The following SRPK2 variants were observed in gnomAD, a reference collection of about 807,000 sequenced individuals.
SRPK2 encodes SRSF protein kinase 2, also known as SFRS protein kinase 2.
SRPK2 carries 21 observed loss-of-function variants against 90.8 expected under a neutral mutation model. The ratio of observed to expected loss-of-function variants is 0.23; its 90% CI spans 0.16 to 0.33. The LOEUF (loss-of-function observed/expected upper bound fraction) is 0.33. Among genes scored for constraint, SRPK2 ranks in the 10% least tolerant of loss-of-function variants. The pLI is 1.00. For synonymous variants in SRPK2, 288 were observed against 311.1 expected, an observed-to-expected ratio of 0.93 and a Z score of 0.78; for missense variants, 620 against 869.0, an observed-to-expected ratio of 0.71 and a Z score of 3.60.
chr7:105,126,172 C>T (rs1170572306), intron 15 of SRPK2, 76 bp downstream of exon 15: 2 of 1,201,840 alleles, frequency 1.7e-6, no homozygotes, highest in African/African-American at 1.5e-5. Flanking sequence ...CCTTTGTCAC[C>T]ATTAATGCTA....
chr7:105,129,142 C>A (rs527351692), intron 13 of SRPK2, among the ~76,000 whole-genome samples: 1 of 151,970 alleles, frequency 6.6e-6, no homozygotes, highest in South Asian at 2.1e-4. Context: ...TTTGTAGAGA[C>A]GGGATTTCAC....
chr7:105,182,535 TC>T (rs1793017168), intron 3 of SRPK2, among the ~76,000 whole-genome samples: 1 of 138,094 alleles, frequency 7.2e-6, no homozygotes, highest in Non-Finnish European at 1.5e-5. Flanking sequence ...CACTGCAACC[TC>T]CACCTCCTGG....
At chr7:105,126,643 A>C (rs1801257796) in intron 14 of SRPK2, among the ~76,000 whole-genome samples, 1 of 152,164 alleles carries the variant, frequency 6.6e-6, no homozygotes, top group South Asian at 2.1e-4. Context: ...CTCAGCTCCC[A>C]AACAGGACAG....
At chr7:105,313,156 T>C (rs113876430) in intron 2 of SRPK2, among the ~76,000 whole-genome samples, 1 of 152,080 alleles carries the variant, frequency 6.6e-6, no homozygotes, top group Non-Finnish European at 1.5e-5. Context: ...ATTTTTTTTT[T>C]TTTAAATTAC....
At chr7:105,227,011 T>C (rs1264034441) in intron 2 of SRPK2, among the ~76,000 whole-genome samples, 1 of 152,152 alleles carries the variant, frequency 6.6e-6, no homozygotes, top group Non-Finnish European at 1.5e-5. Flanking sequence ...TCGTTTCTCA[T>C]TGCTGGCACC....
chr7:105,198,608 G>A (rs1048780903), intron 3 of SRPK2, among the ~76,000 whole-genome samples: 1 of 152,198 alleles, frequency 6.6e-6, no homozygotes, highest in African/African-American at 2.4e-5. Flanking sequence ...AGTTAAGGGA[G>A]CCAGCACTGA....
intron 2 of SRPK2, among the ~76,000 whole-genome samples, chr7:105,376,994 G>C: frequency 6.6e-6 from 1 of 151,726 alleles, no homozygotes; most frequent in Admixed American, 6.6e-5. Flanking sequence ...CACTTTTACA[G>C]CTGCAAGGTT....
At chr7:105,281,370 A>G (rs1203643990) in intron 2 of SRPK2, among the ~76,000 whole-genome samples, 1 of 152,180 alleles carries the variant, frequency 6.6e-6, no homozygotes, top group African/African-American at 2.4e-5. Context: ...TGCTGGGATT[A>G]CAAGCATGAG....
chr7:105,217,865 A>G (rs79548961), intron 2 of SRPK2, among the ~76,000 whole-genome samples: 1 of 152,238 alleles, frequency 6.6e-6, no homozygotes, highest in Non-Finnish European at 1.5e-5. Context: ...AATTAACTCA[A>G]GGCATATTCA....
At chr7:105,362,064 C>T (rs1331836339) in intron 2 of SRPK2, among the ~76,000 whole-genome samples, 1 of 152,096 alleles carries the variant, frequency 6.6e-6, no homozygotes, top group Non-Finnish European at 1.5e-5. Flanking sequence ...AAAATTTTTA[C>T]AATCTACCTA....
intron 2 of SRPK2, among the ~76,000 whole-genome samples, chr7:105,329,201 G>A (rs1360860432): frequency 6.6e-6 from 1 of 151,870 alleles, no homozygotes; most frequent in Non-Finnish European, 1.5e-5. Context: ...CTGCCTATTA[G>A]TCATCTAATT....
At chr7:105,289,035 T>G (rs891604434) in intron 2 of SRPK2, among the ~76,000 whole-genome samples, 1 of 142,442 alleles carries the variant, frequency 7.0e-6, no homozygotes, top group South Asian at 2.2e-4. Context: ...GGCAGGCAGA[T>G]CACAAGGTCA....
intron 2 of SRPK2, among the ~76,000 whole-genome samples, chr7:105,236,210 C>T (rs778322037): frequency 2.0e-5 from 3 of 152,118 alleles, no homozygotes; most frequent in Admixed American, 6.6e-5. Flanking sequence ...GTTCATCATA[C>T]GAAGGTTGAT....
intron 3 of SRPK2, among the ~76,000 whole-genome samples, chr7:105,202,229 T>C (rs1795654715): frequency 6.6e-6 from 1 of 152,220 alleles, no homozygotes. Flanking sequence ...TCTTAGCAGG[T>C]AATTAAATGT....
intron 8 of SRPK2, among the ~76,000 whole-genome samples, chr7:105,145,561 C>T (rs1302629455): frequency 6.6e-6 from 1 of 152,118 alleles, no homozygotes; most frequent in African/African-American, 2.4e-5. Flanking sequence ...AAATGAAATA[C>T]TAATACATCT....
intron 2 of SRPK2, chr7:105,306,475 T>C (rs1207802185): frequency 1.3e-5 from 6 of 452,064 alleles, no homozygotes; most frequent in Non-Finnish European, 2.7e-5. Flanking sequence ...GGTCAATACT[T>C]GAACCAGGCA....
chr7:105,250,861 C>G (rs1172590471), intron 2 of SRPK2, among the ~76,000 whole-genome samples: 4 of 151,940 alleles, frequency 2.6e-5, no homozygotes, highest in African/African-American at 9.7e-5. Flanking sequence ...TTTTTTTCAC[C>G]AGCTGTTAAA....
At chr7:105,398,674 C>G (rs781062445) in intron 1 of SRPK2, among the ~76,000 whole-genome samples, 24 of 152,198 alleles carry the variant, frequency 1.6e-4, no homozygotes, top group Non-Finnish European at 2.6e-4. Flanking sequence ...TATATCTAAT[C>G]TGCCCATTCA....
chr7:105,230,629 C>T (rs543219670), intron 2 of SRPK2, among the ~76,000 whole-genome samples: 7 of 152,130 alleles, frequency 4.6e-5, no homozygotes, highest in Non-Finnish European at 8.8e-5. Flanking sequence ...ACATTTGTCC[C>T]GGTTTTTAAA....
Sources: allele counts gnomAD v4.1 joint callset (sites outside exome capture counted in the v4.1 genomes callset), GRCh38; gene constraint gnomAD v4.1.1; transcripts MANE v1.5; gene names NCBI Gene and HGNC (gene_info 2026-07-23, HGNC 2026-07-21).